SPTBN1: variants seen among roughly 807,000 people sequenced by gnomAD.
The protein encoded by SPTBN1 is spectrin beta, non-erythrocytic 1.
Under a neutral mutation model 266.4 loss-of-function variants are expected in SPTBN1, and 32 were observed. The observed-to-expected ratio is 0.12, with a 90% CI of 0.09 to 0.16. The LOEUF is 0.16. Ranked by LOEUF, SPTBN1 falls within the 10% of genes least tolerant of loss-of-function variation. SPTBN1 has a pLI of 1.00. For synonymous variants in SPTBN1, 1,336 were observed against 1,162.2 expected, an observed-to-expected ratio of 1.15 and a Z score of -3.04; for missense variants, 2,296 against 3,067.1, an observed-to-expected ratio of 0.75 and a Z score of 5.94.
chr2:54,468,710 TTTTA>T (rs1207138549), intron 1 of SPTBN1, among the ~76,000 whole-genome samples: 1 of 152,240 alleles, frequency 6.6e-6, no homozygotes, highest in African/African-American at 2.4e-5. Flanking sequence ...AATAATGTCT[TTTTA>T]CAATGGAAAA....
intron 1 of SPTBN1, among the ~76,000 whole-genome samples, chr2:54,458,108 T>C (rs565030248): frequency 6.6e-6 from 1 of 152,318 alleles, no homozygotes; most frequent in Non-Finnish European, 1.5e-5. Flanking sequence ...ACGTGAAAAG[T>C]TGGTGTTTAT....
intron 1 of SPTBN1, among the ~76,000 whole-genome samples, chr2:54,508,152 T>A (rs1187975403): frequency 6.6e-6 from 1 of 152,088 alleles, no homozygotes; most frequent in Non-Finnish European, 1.5e-5. Flanking sequence ...CTTGGGTGAT[T>A]TGACTAGTAA....
Position 54,670,515 on chromosome 2 carries a change from C to T in SPTBN1, c.*1946C>T, listed in dbSNP as rs1681651113. 2.5e-6 allele frequency: 1 copy of T among 394,868 alleles called. No homozygotes were observed. Among genetic ancestry groups the T allele is most frequent in the African/African-American group, 2.1e-5 (1 of 48,734 alleles). The allele number at this position is 394,868 out of a possible 1,614,324, so 24.5% of individuals were successfully genotyped here. Reference sequence around the variant, plus strand: ...GACCTCACCATCCTCTCCCCTGCTTCCCACGACAGTCCTTTGCCCTTGCCA... The same window carrying T: ...GACCTCACCATCCTCTCCCCTGCTTTCCACGACAGTCCTTTGCCCTTGCCA... On this transcript the variant is annotated 3_prime_UTR_variant, in exon 36 of 36. Coordinates refer to ENST00000356805, the MANE Select transcript of SPTBN1 (RefSeq NM_003128.3).
chr2:54,654,923 C>A, intron 27 of SPTBN1, 147 bp from the exon 28 acceptor site: 2 of 1,181,500 alleles, frequency 1.7e-6, no homozygotes, highest in Admixed American at 2.9e-5. Context: ...GTGGCCCAGC[C>A]TAAGCTCAGG....
chr2:54,586,140 G>T (rs1300931472), intron 2 of SPTBN1, among the ~76,000 whole-genome samples: 1 of 152,192 alleles, frequency 6.6e-6, no homozygotes, highest in Non-Finnish European at 1.5e-5. Flanking sequence ...TCCAAGTGTG[G>T]TTTGGAGACG....
At chr2:54,639,310 G>T (rs970538776) in intron 18 of SPTBN1, among the ~76,000 whole-genome samples, 2 of 152,194 alleles carry the variant, frequency 1.3e-5, no homozygotes, top group African/African-American at 4.8e-5. Flanking sequence ...TTTGTAGCTT[G>T]GGCTGGGCCT....
At chr2:54,624,623 A>G (rs1243868413) in intron 10 of SPTBN1, among the ~76,000 whole-genome samples, 181 bp from the exon 11 acceptor site, 1 of 152,214 alleles carries the variant, frequency 6.6e-6, no homozygotes, top group African/African-American at 2.4e-5. Flanking sequence ...ATGAGGATAC[A>G]CTGAGAGAAA....
At position 54,494,449 on chromosome 2, in the gene SPTBN1, A is replaced by G. The variant is rs535353152; in HGVS notation, c.-47-31923A>G. Among the ~76,000 whole-genome samples, 4 of 152,364 alleles carry G rather than the reference A, an allele frequency of 2.6e-5. No individual in the cohort carries two copies. The South Asian group carries it at 8.3e-4, about 32-fold the overall frequency. On this transcript the variant is annotated intron_variant, in intron 1 of 35. Transcript: ENST00000356805. The stretch of plus-strand genomic sequence containing the variant: ...GTACAAAAAAAATACACAAATGTTT[A>G]TAGCAGCTTTATTTGTAGTAACCCC...
intron 2 of SPTBN1, among the ~76,000 whole-genome samples, chr2:54,586,798 TCAA>T (rs1675326860): frequency 6.6e-6 from 1 of 152,184 alleles, no homozygotes; most frequent in African/African-American, 2.4e-5. Context: ...TCGGAAACTG[TCAA>T]GAACGGCTGG....
intron 5 of SPTBN1, 46 bp from the exon 6 acceptor site, chr2:54,617,562 C>T: frequency 1.3e-6 from 2 of 1,586,708 alleles, no homozygotes; most frequent in Non-Finnish European, 1.7e-6. Flanking sequence ...TATAAACCTC[C>T]ATGTGGTAAT....
intron 34 of SPTBN1, among the ~76,000 whole-genome samples, chr2:54,666,799 T>C (rs367708198): frequency 1.3e-5 from 2 of 152,368 alleles, no homozygotes; most frequent in South Asian, 4.1e-4. Context: ...TTTATTTGTA[T>C]GTTTCATGCC....
chr2:54,637,950 A>G (rs1478239259), intron 18 of SPTBN1, 147 bp downstream of exon 18: 6 of 634,618 alleles, frequency 9.5e-6, no homozygotes, highest in East Asian at 2.8e-5. Flanking sequence ...GATACGTGGC[A>G]CTTCATCAGT....
chr2:54,618,006 C>T (rs1677726928), intron 6 of SPTBN1, 72 bp from the exon 7 acceptor site: 1 of 1,210,908 alleles, frequency 8.3e-7, no homozygotes. Context: ...TTTGGAGTAA[C>T]AGTCATGTTT....
At position 54,630,039 on chromosome 2, in the gene SPTBN1, T is replaced by C; in HGVS notation, c.2807+10T>C. On this transcript the variant is annotated intron_variant, in intron 15 of 35. Transcript: ENST00000356805. ...ACAAACTCAACACAAGGTGAGCACGTGGCCAGCAGTGTGCCAGCCTCCCAC... is the reference window on the plus strand; with the variant it reads ...ACAAACTCAACACAAGGTGAGCACGCGGCCAGCAGTGTGCCAGCCTCCCAC... 1 of 1,612,036 alleles carries C rather than the reference T, an allele frequency of 6.2e-7. No individual in the cohort carries two copies. Among genetic ancestry groups the C allele is most frequent in the Non-Finnish European group, 8.5e-7 (1 of 1,179,068 alleles).
chr2:54,642,948 A>C, intron 18 of SPTBN1, 35 bp from the exon 19 acceptor site: 1 of 1,597,846 alleles, frequency 6.3e-7, no homozygotes, highest in Non-Finnish European at 8.6e-7. Context: ...GATGTCTAGG[A>C]TCACAATCTC....
chr2:54,632,517 A>C (rs761956909), intron 16 of SPTBN1, 49 bp from the exon 17 acceptor site: 1 of 1,580,234 alleles, frequency 6.3e-7, no homozygotes, highest in Non-Finnish European at 8.7e-7. Context: ...ACACAGGAAA[A>C]TGAGATCCTT....
Position 54,646,023 on chromosome 2 carries a change from C to G in SPTBN1, c.4584+6C>G, listed in dbSNP as rs372327394. On this transcript the variant is annotated splice_donor_region_variant and intron_variant, in intron 22 of 35. Coordinates refer to ENST00000356805, the MANE Select transcript of SPTBN1 (RefSeq NM_003128.3). This position sits in a 1 kb window ranked among gnomAD's most constrained non-coding sequence, Gnocchi z 4.4. ...TGTTAATAAAGAAAAATCAGGTAAGCCTTTCTGCTCGAGCTAGTTCTGTCT... is the reference window on the plus strand; with the variant it reads ...TGTTAATAAAGAAAAATCAGGTAAGGCTTTCTGCTCGAGCTAGTTCTGTCT... 15 of 1,614,062 alleles carry G rather than the reference C, an allele frequency of 9.3e-6. No individual in the cohort carries two copies. Among genetic ancestry groups the G allele is most frequent in the Non-Finnish European group, 1.2e-5 (14 of 1,180,044 alleles).
intron 2 of SPTBN1, among the ~76,000 whole-genome samples, chr2:54,574,781 T>C (rs1049637307): frequency 6.6e-6 from 1 of 152,176 alleles, no homozygotes; most frequent in Non-Finnish European, 1.5e-5. Flanking sequence ...TGTGATGTAG[T>C]TAGTTAAACC....
chr2:54,610,764 C>T (rs1677156342), intron 3 of SPTBN1, among the ~76,000 whole-genome samples: 1 of 152,208 alleles, frequency 6.6e-6, no homozygotes, highest in Non-Finnish European at 1.5e-5. Flanking sequence ...AATGTCATGA[C>T]TTCTCTCTGC....
Sources: gnomAD v4.1 joint callset for allele counts (sites outside exome capture counted in the v4.1 genomes callset) on GRCh38, gnomAD v4.1.1 for gene constraint, Gnocchi (gnomAD v3.1) non-coding constraint, MANE v1.5 for transcripts, NCBI Gene and HGNC (gene_info 2026-07-23, HGNC 2026-07-21) for gene names.